MAP7: variants seen among roughly 807,000 people sequenced by gnomAD.
MAP7 encodes microtubule associated protein 7.
Under a neutral mutation model 94.8 loss-of-function variants are expected in MAP7, and 52 were observed. The observed-to-expected ratio is 0.55, with a 90% CI of 0.44 to 0.69. The LOEUF is 0.69. Among genes scored for constraint, MAP7 ranks in the 30% least tolerant of loss-of-function variants. The pLI is 0.00. For synonymous variants in MAP7, 350 were observed against 357.0 expected, an observed-to-expected ratio of 0.98 and a Z score of 0.22; for missense variants, 940 against 964.6, an observed-to-expected ratio of 0.97 and a Z score of 0.34.
At chr6:136,498,022 T>C (rs1434676648) in intron 1 of MAP7, among the ~76,000 whole-genome samples, 1 of 152,028 alleles carries the variant, frequency 6.6e-6, no homozygotes, top group Non-Finnish European at 1.5e-5. Flanking sequence ...CCTAAAATGA[T>C]GGAGACTTGT....
At chr6:136,366,805 T>A (rs1046835932) in intron 8 of MAP7, among the ~76,000 whole-genome samples, 14 of 150,832 alleles carry the variant, frequency 9.3e-5, no homozygotes, top group East Asian at 1.9e-4. Context: ...TTTCATTTTT[T>A]AAAAAATTTT....
At chr6:136,500,955 C>T (rs529369393) in intron 1 of MAP7, among the ~76,000 whole-genome samples, 6 of 148,548 alleles carry the variant, frequency 4.0e-5, no homozygotes, top group East Asian at 2.0e-4. Flanking sequence ...CAGAAAAAGA[C>T]GGAAAAAAAA....
At chr6:136,371,659 T>C (rs1304631061) in intron 8 of MAP7, among the ~76,000 whole-genome samples, 1 of 152,262 alleles carries the variant, frequency 6.6e-6, no homozygotes, top group Non-Finnish European at 1.5e-5. Context: ...AAAAGGGTCA[T>C]ACTGTTATCC....
At chr6:136,461,215 A>G (rs1805091541) in intron 1 of MAP7, among the ~76,000 whole-genome samples, 1 of 152,188 alleles carries the variant, frequency 6.6e-6, no homozygotes, top group African/African-American at 2.4e-5. Context: ...GTAAAGAAAC[A>G]GCTTTTGCTT....
intron 1 of MAP7, among the ~76,000 whole-genome samples, chr6:136,536,264 T>G (rs1828882093): frequency 6.6e-6 from 1 of 152,220 alleles, no homozygotes. Context: ...TTTCCATAAA[T>G]ACGTCTTCTC....
chr6:136,550,294 G>A lies in MAP7; in HGVS notation c.67+48C>T, dbSNP rs781601443. 5.6e-5 allele frequency: 79 copies of A among 1,419,398 alleles called. No homozygotes were observed. The African/African-American group carries it at 9.0e-4, about 16-fold the overall frequency. The allele number at this position is 1,419,398 out of a possible 1,614,324, so 87.9% of individuals were successfully genotyped here. A position where few individuals can be genotyped will look rare whatever the true frequency, so the allele number is the denominator to read the frequency against. On this transcript the variant is annotated intron_variant, in intron 1 of 17. Coordinates refer to ENST00000354570, the MANE Select transcript of MAP7 (RefSeq NM_003980.6). The surrounding 1 kb of genome is among the most constrained non-coding windows in gnomAD (Gnocchi z 5.1). ...CGGTGCCAGCCCGCCGGCCCCGCTC[G>A]CCGTCCCCTGCCCGACGGGACCCCC... is the stretch of plus-strand genomic sequence containing the variant.
intron 1 of MAP7, among the ~76,000 whole-genome samples, chr6:136,541,851 G>C (rs1212483429): frequency 6.6e-6 from 1 of 152,120 alleles, no homozygotes; most frequent in African/African-American, 2.4e-5. Context: ...TTGAGCTCAG[G>C]AGTTCAAGAC....
rs1179338276 is a variant in MAP7 at position 136,456,767 on chromosome 6, G to GGAGGAGGAAGAAGAAGAAGAAGAAGAA, written c.68-34969_68-34968insTTCTTCTTCTTCTTCTTCTTCCTCCTC. On this transcript the variant is annotated intron_variant, in intron 1 of 17. Coordinates refer to ENST00000354570, the MANE Select transcript of MAP7 (RefSeq NM_003980.6). Reference sequence around the variant, plus strand: ...AGAAGGAGGAGGAGGAGGAGGAGGAGGAAGAAGAAGAAGAAGAAGAAGAAG... The same window carrying GGAGGAGGAAGAAGAAGAAGAAGAAGAA: ...AGAAGGAGGAGGAGGAGGAGGAGGAGGAGGAGGAAGAAGAAGAAGAAGAAGAAGAAGAAGAAGAAGAAGAAGAAGAAG... 1.3e-4 allele frequency among the ~76,000 whole-genome samples: 8 copies of GGAGGAGGAAGAAGAAGAAGAAGAAGAA among 60,594 alleles called. No homozygotes were observed. In the East Asian group the frequency reaches 1.5e-3, roughly 12 times the overall value. 39.8% of individuals were successfully genotyped at this position (60,594 alleles called of 152,430 possible).
At chr6:136,446,157 G>A (rs1231033550) in intron 1 of MAP7, among the ~76,000 whole-genome samples, 2 of 152,010 alleles carry the variant, frequency 1.3e-5, no homozygotes, top group Non-Finnish European at 2.9e-5. Flanking sequence ...GATCATCAGA[G>A]GTGGACAGGG....
At chr6:136,360,626 G>C in intron 13 of MAP7, 71 bp downstream of exon 13, 3 of 1,355,610 alleles carry the variant, frequency 2.2e-6, no homozygotes, top group Non-Finnish European at 3.2e-6. Flanking sequence ...GTTTTCTGAC[G>C]GCCAGGGCTA....
Position 136,362,594 on chromosome 6 carries a change from A to G in MAP7, c.1382T>C (p.Val461Ala), listed in dbSNP as rs1397111010. 1 of 1,614,010 alleles carries G rather than the reference A, an allele frequency of 6.2e-7. No individual in the cohort carries two copies. Among genetic ancestry groups the G allele is most frequent in the Admixed American group, 1.7e-5 (1 of 60,014 alleles). The change falls in exon 11 of 18, where the codon GTG becomes GCG. Residue 461 changes from valine (V) to alanine (A), a missense_variant. Val to Ala is a moderately conservative substitution (Grantham distance 64). Transcript: ENST00000354570. The part of the protein sequence containing the change: ...PAMVSAPSST[V>A]NASASVKTSA... ...AGTCTTAACAGAAGCACTGGCATTC[A>G]CAGTGGATGACGGGGCTGAGACCAT...
intron 6 of MAP7, among the ~76,000 whole-genome samples, chr6:136,379,056 A>G (rs1777012872): frequency 6.6e-6 from 1 of 152,172 alleles, no homozygotes; most frequent in Non-Finnish European, 1.5e-5. Context: ...ACACCTGAAA[A>G]GGCTGCTTCT....
chr6:136,416,327 TA>T (rs757359525), intron 2 of MAP7, among the ~76,000 whole-genome samples: 17 of 152,348 alleles, frequency 1.1e-4, no homozygotes, highest in Admixed American at 5.2e-4. Context: ...GCTAGAAGTT[TA>T]AATTTTAGTT....
rs557129250 is a variant in MAP7 at position 136,519,463 on chromosome 6, T to C, written c.67+30879A>G. ...AAGGAGATATATGAGAATGATTCTA[T>C]AGAGGCATTCATATTTCTTATTCTA... On this transcript the variant is annotated intron_variant, in intron 1 of 17. Transcript: ENST00000354570. 1.9e-4 allele frequency among the ~76,000 whole-genome samples: 29 copies of C among 152,336 alleles called. 1 individual carries two copies. Among genetic ancestry groups the C allele is most frequent in the South Asian group, 1.7e-3 (8 of 4,828 alleles).
At chr6:136,433,058 T>C (rs932855448) in intron 1 of MAP7, among the ~76,000 whole-genome samples, 2 of 152,150 alleles carry the variant, frequency 1.3e-5, no homozygotes, top group African/African-American at 2.4e-5. Flanking sequence ...GAAATGTCTA[T>C]TACATGGTTA....
intron 3 of MAP7, among the ~76,000 whole-genome samples, chr6:136,394,263 G>A (rs1276066072): frequency 2.6e-5 from 4 of 152,092 alleles, no homozygotes; most frequent in Admixed American, 1.3e-4. Flanking sequence ...GATTACAGGC[G>A]TGAGCCACCG....
intron 1 of MAP7, chr6:136,475,712 C>T (rs1157228190): frequency 1.3e-5 from 2 of 151,722 alleles, no homozygotes; most frequent in African/African-American, 4.8e-5. Context: ...GGTTGGTTTA[C>T]TTTTTATTTT....
intron 1 of MAP7, among the ~76,000 whole-genome samples, chr6:136,495,110 T>A (rs1463734704): frequency 6.6e-6 from 1 of 152,226 alleles, no homozygotes; most frequent in Non-Finnish European, 1.5e-5. Context: ...TTACCATTAC[T>A]GTCTTCTACC....
intron 3 of MAP7, among the ~76,000 whole-genome samples, chr6:136,390,744 A>C (rs1192013393): frequency 6.6e-6 from 1 of 152,204 alleles, no homozygotes; most frequent in Non-Finnish European, 1.5e-5. Flanking sequence ...TAAAGAATGC[A>C]TTTCTGATAC....
Sources: gnomAD v4.1 joint callset for allele counts (sites outside exome capture counted in the v4.1 genomes callset) on GRCh38, gnomAD v4.1.1 for gene constraint, Gnocchi (gnomAD v3.1) non-coding constraint, MANE v1.5 for transcripts, NCBI Gene and HGNC (gene_info 2026-07-23, HGNC 2026-07-21) for gene names.